LRBA: variants seen among roughly 807,000 people sequenced by gnomAD.
LRBA encodes lipopolysaccharide-responsive and beige-like anchor protein.
In LRBA, 176 loss-of-function variants were observed where a neutral mutation model predicts 330.0. The observed-to-expected ratio is 0.53, with a 90% CI of 0.47 to 0.60. LRBA has a LOEUF of 0.60. Ranked by LOEUF, LRBA falls within the 20% of genes least tolerant of loss-of-function variation. The pLI, the probability that LRBA is intolerant of heterozygous loss-of-function variation, is 0.00. For synonymous variants in LRBA, 1,230 were observed against 1,193.0 expected (o/e 1.03, Z -0.64); for missense variants, 3,259 against 3,444.8 (o/e 0.95, Z 1.35).
chr4:150,954,093 C>T (rs913403278), intron 2 of LRBA, among the ~76,000 whole-genome samples: 2 of 151,456 alleles, frequency 1.3e-5, no homozygotes, highest in Non-Finnish European at 2.9e-5. Flanking sequence ...CAGCAGCCGC[C>T]CCGTCTGGGA....
At chr4:150,805,341 G>GGAAAGGAAAGGAT in intron 33 of LRBA, among the ~76,000 whole-genome samples, 1 of 32,694 alleles carries the variant, frequency 3.1e-5, no homozygotes, top group Non-Finnish European at 7.0e-5. Context: ...AAGGAAAGGA[G>GGAAAGGAAAGGAT]AAGGAGAAGG....
At chr4:150,726,285 A>C (rs1338901876) in intron 36 of LRBA, among the ~76,000 whole-genome samples, 1 of 152,218 alleles carries the variant, frequency 6.6e-6, no homozygotes, top group African/African-American at 2.4e-5. Context: ...CATAGACTGA[A>C]GATAAAGAGA....
At chr4:150,925,386 A>G (rs1733777227) in intron 4 of LRBA, among the ~76,000 whole-genome samples, 1 of 152,152 alleles carries the variant, frequency 6.6e-6, no homozygotes, top group Non-Finnish European at 1.5e-5. Context: ...ATCCTCATGT[A>G]TTTTATGGAT....
intron 40 of LRBA, among the ~76,000 whole-genome samples, chr4:150,560,768 C>T (rs1233377359): frequency 6.6e-6 from 1 of 152,104 alleles, no homozygotes; most frequent in African/African-American, 2.4e-5. Context: ...GGGCAGATCA[C>T]CTGAAGTTGG....
At chr4:150,960,777 T>A (rs950226174) in intron 2 of LRBA, among the ~76,000 whole-genome samples, 5 of 149,448 alleles carry the variant, frequency 3.3e-5, no homozygotes, top group Admixed American at 2.6e-4. Context: ...TATGAGAAAG[T>A]TCTGTCAATG....
intron 37 of LRBA, among the ~76,000 whole-genome samples, chr4:150,651,304 T>C (rs1779685849): frequency 6.6e-6 from 1 of 152,102 alleles, no homozygotes; most frequent in African/African-American, 2.4e-5. Context: ...ATATCCCCAA[T>C]AACAACTAAG....
chr4:150,412,981 G>A (rs1747225890), intron 47 of LRBA, among the ~76,000 whole-genome samples: 1 of 151,616 alleles, frequency 6.6e-6, no homozygotes. Context: ...TGACTTTTAT[G>A]GAGAATACAC....
chr4:150,880,601 G>C (rs1728270136), intron 17 of LRBA, among the ~76,000 whole-genome samples: 3 of 150,740 alleles, frequency 2.0e-5, no homozygotes. Flanking sequence ...AATCCTAGAA[G>C]AAAAACGAGA....
chr4:150,564,751 A>G (rs183884750), intron 40 of LRBA, among the ~76,000 whole-genome samples: 2 of 152,342 alleles, frequency 1.3e-5, no homozygotes, highest in Admixed American at 6.5e-5. Flanking sequence ...TCAAAAGAAG[A>G]TATGTATGTG....
At chr4:150,977,359 G>A (rs1280741048) in intron 2 of LRBA, among the ~76,000 whole-genome samples, 2 of 152,166 alleles carry the variant, frequency 1.3e-5, no homozygotes, top group Admixed American at 6.5e-5. Flanking sequence ...CCCCATTCCA[G>A]GTCGTAGCTC....
chr4:150,963,576 G>A (rs1738441273), intron 2 of LRBA, among the ~76,000 whole-genome samples: 1 of 149,696 alleles, frequency 6.7e-6, no homozygotes, highest in African/African-American at 2.6e-5. Context: ...CTCCCAAAGT[G>A]CCGAGATTGC....
intron 37 of LRBA, among the ~76,000 whole-genome samples, chr4:150,660,730 A>G (rs1780979723): frequency 1.5e-5 from 2 of 131,856 alleles, no homozygotes; most frequent in East Asian, 2.4e-4. Flanking sequence ...ACTAAGAAAA[A>G]TTCCTCTGTC....
chr4:150,850,741 ATCTGTT>A lies in LRBA; in HGVS notation c.3981_3986del (p.Glu1327_Thr1328del). The stretch of plus-strand genomic sequence containing the variant: ...AGACAAACCTTCTCCACATCTGTAT[ATCTGTT>A]TCTATTGAAAATAATAGATCAGTGA... On this transcript the variant is annotated inframe_deletion, in exon 24 of 57. Coordinates refer to ENST00000651943, the MANE Select transcript of LRBA (RefSeq NM_001364905.1). 1 of 1,611,650 alleles carries A rather than the reference ATCTGTT, an allele frequency of 6.2e-7. No individual in the cohort carries two copies. The highest frequency in any genetic ancestry group is 8.5e-7 in the Non-Finnish European group (1 of 1,178,026).
intron 5 of LRBA, among the ~76,000 whole-genome samples, chr4:150,920,058 T>C (rs183099357): frequency 2.0e-5 from 3 of 152,240 alleles, no homozygotes; most frequent in Non-Finnish European, 4.4e-5. Context: ...AATTGGGCAA[T>C]AAAACTTTTC....
At chr4:150,810,564 G>A (rs1297178366) in intron 31 of LRBA, among the ~76,000 whole-genome samples, 1 of 152,110 alleles carries the variant, frequency 6.6e-6, no homozygotes, top group East Asian at 1.9e-4. Flanking sequence ...GTTTAAAAAT[G>A]AAGCTAAAGC....
chr4:150,676,729 C>T (rs1782592522), intron 37 of LRBA, among the ~76,000 whole-genome samples: 1 of 152,006 alleles, frequency 6.6e-6, no homozygotes, highest in African/African-American at 2.4e-5. Flanking sequence ...TATTTGCTCC[C>T]AACCCTTTGG....
chr4:150,340,612 G>A (rs1240622104), intron 48 of LRBA, among the ~76,000 whole-genome samples: 1 of 152,116 alleles, frequency 6.6e-6, no homozygotes, highest in Non-Finnish European at 1.5e-5. Flanking sequence ...TGGAATTACA[G>A]GTGTGAACCA....
At position 150,823,112 on chromosome 4, in the gene LRBA, C is replaced by A. The variant is rs189352492; in HGVS notation, c.5171+5068G>T. On this transcript the variant is annotated intron_variant, in intron 30 of 56. Coordinates refer to ENST00000651943, the MANE Select transcript of LRBA (RefSeq NM_001364905.1). ...TTACTGCTTATCTTTTGGATATAAG[C>A]GATTTTAACTGGAGTGAGATGATAT... is the stretch of plus-strand genomic sequence containing the variant. 2.7e-3 allele frequency among the ~76,000 whole-genome samples: 413 copies of A among 152,218 alleles called. 7 individuals carry two copies. Among genetic ancestry groups the A allele is most frequent in the Admixed American group, 0.026 (400 of 15,282 alleles).
chr4:150,400,769 G>GT (rs1561122762), intron 47 of LRBA, among the ~76,000 whole-genome samples: 1 of 152,152 alleles, frequency 6.6e-6, no homozygotes, highest in East Asian at 1.9e-4. Context: ...GACTCCAGGA[G>GT]TTTGAGACTG....
Sources: gnomAD v4.1 joint callset for allele counts (sites outside exome capture counted in the v4.1 genomes callset) on GRCh38, gnomAD v4.1.1 for gene constraint, MANE v1.5 for transcripts, NCBI Gene and HGNC (gene_info 2026-07-23, HGNC 2026-07-21) for gene names.